Variants in PSME3IP1 observed in about 807,000 individuals in gnomAD.
The protein encoded by PSME3IP1 is proteasome activator subunit 3 interacting protein 1, also known as PSME3-interacting protein.
PSME3IP1 carries 13 observed loss-of-function variants against 34.1 expected under a neutral mutation model. The ratio of observed to expected loss-of-function variants is 0.38; its 90% CI spans 0.25 to 0.61. The LOEUF (loss-of-function observed/expected upper bound fraction) is 0.61, where lower values mean the gene tolerates loss of function less well. Among genes scored for constraint, PSME3IP1 ranks in the 20% least tolerant of loss-of-function variants. The probability of loss-of-function intolerance (pLI) is 0.60; values close to 1 mark genes in which losing one functional copy is unlikely to be tolerated. For synonymous variants in PSME3IP1, 93 were observed against 114.3 expected (o/e 0.81, Z 1.19); for missense variants, 237 against 301.4 (o/e 0.79, Z 1.58).
intron 6 of PSME3IP1, among the ~76,000 whole-genome samples, 179 bp downstream of exon 6, chr16:57,163,822 G>T (rs2071547111): frequency 6.6e-6 from 1 of 152,196 alleles, no homozygotes; most frequent in African/African-American, 2.4e-5. Context: ...ATCCTGCCTG[G>T]TATAAACTCT....
intron 1 of PSME3IP1, among the ~76,000 whole-genome samples, chr16:57,175,975 T>C (rs2073137313): frequency 6.6e-6 from 1 of 152,120 alleles, no homozygotes; most frequent in Non-Finnish European, 1.5e-5. Context: ...ATTGTGAAAA[T>C]TACTAGAAAG....
In PSME3IP1 at chr16:57,159,276, T is replaced by C. The variant is rs535625330; in HGVS notation, c.547+4725A>G. Among the ~76,000 whole-genome samples, 3 of 152,262 alleles carry C rather than the reference T, an allele frequency of 2.0e-5. No homozygotes were observed. The East Asian group carries it at 5.8e-4, about 29-fold the overall frequency. On this transcript the variant is annotated intron_variant, in intron 6 of 6. Coordinates refer to ENST00000309137, the MANE Select transcript of PSME3IP1 (RefSeq NM_024946.4). ...GAAAAGAGATTGCAAATCTGACAAA[T>C]TTCATTCCAAAAGCAGTTAACTGTC...
intron 4 of PSME3IP1, 56 bp downstream of exon 4, chr16:57,172,195 A>C (rs772793788): frequency 7.5e-6 from 12 of 1,593,368 alleles, no homozygotes; most frequent in Non-Finnish European, 1.0e-5. Context: ...CAACATCCAT[A>C]GATGCTGATG....
intron 3 of PSME3IP1, 100 bp from the exon 4 acceptor site, chr16:57,172,472 T>TA (rs1351989483): frequency 2.9e-3 from 3,263 of 1,136,840 alleles, no homozygotes; most frequent in African/African-American, 3.8e-3. Flanking sequence ...TTCAGGGGAT[T>TA]AAAAAAAAAA....
chr16:57,180,551 C>T (rs563946614), intron 1 of PSME3IP1, among the ~76,000 whole-genome samples: 16 of 151,596 alleles, frequency 1.1e-4, no homozygotes, highest in South Asian at 1.0e-3. Flanking sequence ...GATTTCACGC[C>T]GCTGCACTCC....
At chr16:57,178,583 G>A (rs898125999) in intron 1 of PSME3IP1, 8 of 985,360 alleles carry the variant, frequency 8.1e-6, no homozygotes, top group Non-Finnish European at 7.2e-6. Flanking sequence ...ACTGTGCAAT[G>A]TAAGTTATAG....
At chr16:57,184,758 A>ACAATTATT (rs1371772696) in intron 1 of PSME3IP1, among the ~76,000 whole-genome samples, 1 of 152,260 alleles carries the variant, frequency 6.6e-6, no homozygotes. Context: ...TGGTTTTGAC[A>ACAATTATT]CAATTATTCC....
At chr16:57,172,634 G>T in intron 3 of PSME3IP1, 142 bp downstream of exon 3, 1 of 773,586 alleles carries the variant, frequency 1.3e-6, no homozygotes. Flanking sequence ...GCTGAAGGCT[G>T]TCTCTTTTCC....
rs575099268 is a variant in PSME3IP1 at position 57,165,704 on chromosome 16, G to A, written c.482+1389C>T. On this transcript the variant is annotated intron_variant, in intron 5 of 6. Transcript: ENST00000309137. ...CCCAGGTGATTCCAATAAACTCAGG[G>A]TCGGACAGATTAGGAACTCCTGCCC... Among the ~76,000 whole-genome samples, 14 of 152,154 alleles carry A rather than the reference G, an allele frequency of 9.2e-5. No homozygotes were observed. The South Asian group carries it at 2.7e-3, about 29-fold the overall frequency.
chr16:57,185,968 A>G lies in PSME3IP1; in HGVS notation c.-163T>C, dbSNP rs2074146730. The G allele has an allele frequency of 1.0e-6, 1 of 985,328 alleles. No homozygotes were observed. The highest frequency in any genetic ancestry group is 1.2e-6 in the Non-Finnish European group (1 of 829,946). The allele number at this position is 985,328 out of a possible 1,614,324, so 61.0% of individuals were successfully genotyped here. On this transcript the variant is annotated 5_prime_UTR_variant, in exon 1 of 7. Transcript: ENST00000309137. ...AAGGAATGAATGAAAGAAAGAAAAAAAAAAAGAAAATAGCCTTTGCTTTTG... is the reference window on the plus strand; with the variant it reads ...AAGGAATGAATGAAAGAAAGAAAAAGAAAAAGAAAATAGCCTTTGCTTTTG...
At chr16:57,166,354 G>A (rs1567391348) in intron 5 of PSME3IP1, among the ~76,000 whole-genome samples, 2 of 152,174 alleles carry the variant, frequency 1.3e-5, no homozygotes, top group Non-Finnish European at 2.9e-5. Flanking sequence ...ACTTATCATA[G>A]CCTTGAGACA....
chr16:57,157,152 T>G (rs1310263321), intron 6 of PSME3IP1, among the ~76,000 whole-genome samples: 3 of 151,446 alleles, frequency 2.0e-5, no homozygotes, highest in Non-Finnish European at 4.4e-5. Flanking sequence ...TACAAAAAAT[T>G]TAAAAAATTA....
intron 1 of PSME3IP1, among the ~76,000 whole-genome samples, chr16:57,175,345 T>C (rs74246276): frequency 0.033 from 5,003 of 152,292 alleles, 267 homozygotes; most frequent in East Asian, 0.21. Flanking sequence ...CCTCTGTTTT[T>C]CTTTATTGGT....
intron 1 of PSME3IP1, among the ~76,000 whole-genome samples, chr16:57,181,203 TCACATG>T (rs2073677893): frequency 6.6e-6 from 1 of 152,212 alleles, no homozygotes; most frequent in African/African-American, 2.4e-5. Flanking sequence ...TGATCCTCAT[TCACATG>T]CACCTCTCTG....
At chr16:57,183,822 C>T (rs1369140377) in intron 1 of PSME3IP1, among the ~76,000 whole-genome samples, 1 of 152,156 alleles carries the variant, frequency 6.6e-6, no homozygotes, top group Admixed American at 6.5e-5. Context: ...AGGAGCCCAT[C>T]CAGGGAGTGG....
In PSME3IP1 at chr16:57,154,290, C is replaced by T. The variant is rs2070242886; in HGVS notation, c.765G>A (p.Ter255=). The change falls in exon 7 of 7, where the codon TAG becomes TAA. Residue 255 remains the stop codon, a stop_retained_variant. Coordinates refer to ENST00000309137, the MANE Select transcript of PSME3IP1 (RefSeq NM_024946.4). The surrounding 1 kb of genome is among the most constrained non-coding windows in gnomAD (Gnocchi z 4.0). ...AGCTCCCTGTGTAGGGACGGAGAAA[C>T]TAGGGGGCCTCGAGGAAGGTGTTGG... ...FRTNTFLEAP[*] is the part of the protein sequence containing the mutation. 1 of 1,613,608 alleles carries T rather than the reference C, an allele frequency of 6.2e-7. No individual in the cohort carries two copies. Among genetic ancestry groups the T allele is most frequent in the Non-Finnish European group, 8.5e-7 (1 of 1,179,876 alleles).
intron 1 of PSME3IP1, chr16:57,178,948 A>G (rs2073442318): frequency 3.9e-6 from 1 of 259,226 alleles, no homozygotes; most frequent in Non-Finnish European, 6.0e-6. Context: ...TCTAATTCCT[A>G]TTGTCTAGGT....
At chr16:57,172,120 T>A in intron 4 of PSME3IP1, 131 bp downstream of exon 4, 1 of 910,024 alleles carries the variant, frequency 1.1e-6, no homozygotes, top group African/African-American at 1.7e-5. Flanking sequence ...ATTACAGGAA[T>A]ATCAGTGTTC....
chr16:57,178,520 G>A, intron 1 of PSME3IP1: 1 of 983,942 alleles, frequency 1.0e-6, no homozygotes, highest in Non-Finnish European at 1.2e-6. Flanking sequence ...CCAACCACGA[G>A]GAGCTGAAGA....
Sources: allele counts gnomAD v4.1 joint callset (sites outside exome capture counted in the v4.1 genomes callset), GRCh38; gene constraint gnomAD v4.1.1; non-coding constraint Gnocchi (gnomAD v3.1); transcripts MANE v1.5; gene names NCBI Gene and HGNC (gene_info 2026-07-23, HGNC 2026-07-21).